DUT: variants seen among roughly 807,000 people sequenced by gnomAD.
DUT encodes deoxyuridine 5'-triphosphate nucleotidohydrolase, mitochondrial.
A neutral mutation model predicts 28.8 loss-of-function variants in DUT; 21 were observed. The ratio of observed to expected loss-of-function variants is 0.73; its 90% CI spans 0.52 to 1.05. DUT has a LOEUF of 1.05. Ranked by LOEUF, DUT falls within the 50% of genes least tolerant of loss-of-function variation. The pLI, the probability that DUT is intolerant of heterozygous loss-of-function variation, is 0.00. For missense variants in DUT, 344 were observed against 351.8 expected (o/e 0.98, Z 0.18); for synonymous variants, 147 against 143.7 (o/e 1.02, Z -0.17).
In DUT at chr15:48,331,675, C is replaced by A. The variant is rs1192612925; in HGVS notation, c.160C>A (p.Pro54Thr). 1 of 1,532,992 alleles carries A rather than the reference C, an allele frequency of 6.5e-7. No individual in the cohort carries two copies. Among genetic ancestry groups the A allele is most frequent in the African/African-American group, 1.4e-5 (1 of 71,246 alleles). The allele number at this position is 1,532,992 out of a possible 1,614,324, so 95.0% of individuals were successfully genotyped here. The change falls in exon 1 of 7, where the codon CCC (proline) becomes ACC (threonine). Residue 54 changes from proline to threonine, a missense_variant. Pro to Thr is a conservative substitution (Grantham distance 38). Transcript: ENST00000331200. ...CGGCCGCGCCGCGCAGCACGGGATT[C>A]CCCGGCCGCTGTCCAGCGCTGGCCG... ...PLGRAAQHGI[P>T]RPLSSAGRLS... is the part of the protein sequence containing the mutation.
At chr15:48,331,402 G>A (rs1175398491), upstream of DUT, 3 of 1,500,394 alleles carry the variant, frequency 2.0e-6, no homozygotes, top group Non-Finnish European at 1.8e-6. Context: ...CTCGTCCGGC[G>A]GCGGCTGCGA....
chr15:48,342,024 C>G lies in DUT; in HGVS notation c.705C>G (p.Ala235=), dbSNP rs746648206. 1.7e-5 allele frequency: 26 copies of G among 1,574,964 alleles called. No individual in the cohort carries two copies. The highest frequency in any genetic ancestry group is 2.2e-5 in the Non-Finnish European group (26 of 1,166,072). Residue 235 remains alanine (A), a splice_region_variant and synonymous_variant, in exon 7 of 7, where the codon GCC becomes GCG. Transcript: ENST00000331200. The part of the protein sequence containing the change: ...IFYPEIEEVQ[A]LDDTERGSGG... Reference sequence around the variant, plus strand: ...CTTACTACCTTTCTATCTTTCAGGCCTTGGATGACACCGAAAGGGGTTCAG... The same window carrying G: ...CTTACTACCTTTCTATCTTTCAGGCGTTGGATGACACCGAAAGGGGTTCAG...
At chr15:48,331,399 G>T, upstream of DUT, 1 of 1,498,376 alleles carries the variant, frequency 6.7e-7, no homozygotes, top group South Asian at 1.3e-5. Flanking sequence ...CCCCTCGTCC[G>T]GCGGCGGCTG....
At chr15:48,335,921 G>A (rs868605594) in intron 3 of DUT, 125 bp from the exon 4 acceptor site, 6 of 733,568 alleles carry the variant, frequency 8.2e-6, no homozygotes, top group Middle Eastern at 4.8e-4. Flanking sequence ...AAAACCATGT[G>A]CTAAAGTTAA....
chr15:48,332,189 C>G, intron 1 of DUT, 79 bp from the exon 2 acceptor site: 1 of 1,494,432 alleles, frequency 6.7e-7, no homozygotes, highest in Non-Finnish European at 8.9e-7. Context: ...CTCCCTGCGG[C>G]GACGCTCATC....
Position 48,341,641 on chromosome 15 carries a change from A to G in DUT, c.702+56A>G, listed in dbSNP as rs901085917. 3.6e-6 allele frequency: 5 copies of G among 1,374,626 alleles called. No individual in the cohort carries two copies. In the African/African-American group the frequency reaches 5.8e-5, roughly 16 times the overall value. 85.2% of individuals were successfully genotyped at this position (1,374,626 alleles called of 1,614,324 possible). ...GTAATATAACATCTTAAGTGAAGAA[A>G]TATATATAATCTTGAGAATTTAATA... On this transcript the variant is annotated intron_variant, in intron 6 of 6. Transcript: ENST00000331200.
At chr15:48,331,353 G>T (rs556529367), upstream of DUT, 322 of 1,455,400 alleles carry the variant, frequency 2.2e-4, 3 homozygotes, top group South Asian at 3.3e-3. Flanking sequence ...CAGGGCCTGC[G>T]CCATCCCTGG....
chr15:48,331,430 T>C lies in DUT; in HGVS notation c.-86T>C. On this transcript the variant is annotated 5_prime_UTR_variant, in exon 1 of 7. Coordinates refer to ENST00000331200, the MANE Select transcript of DUT (RefSeq NM_001025248.2). ...GGCTGCGACTGCTTCCGAGGTCATGTTCCCAGGACGGGCGCGTCTTCAGGG... is the reference window on the plus strand; with the variant it reads ...GGCTGCGACTGCTTCCGAGGTCATGCTCCCAGGACGGGCGCGTCTTCAGGG... The C allele has an allele frequency of 6.4e-6, 10 of 1,565,438 alleles. No individual in the cohort carries two copies. The South Asian group carries it at 8.3e-5, about 13-fold the overall frequency.
rs201357294 is a variant in DUT at position 48,334,480 on chromosome 15, G to A, written c.483G>A (p.Ala161=). The A allele has an allele frequency of 1.2e-4, 199 of 1,610,992 alleles. No individual in the cohort carries two copies. The highest frequency in any genetic ancestry group is 1.5e-4 in the Non-Finnish European group (182 of 1,178,092). The part of the protein sequence containing the change: ...KAVVKTDIQI[A]LPSGCYGRVA... ...TTGTGAAAACGGACATTCAGATAGC[G>A]CTCCCTTCTGGGTGTTATGGAAGAG... The change falls in exon 3 of 7, where the codon GCG becomes GCA. Residue 161 remains alanine, a synonymous_variant. Transcript: ENST00000331200.
chr15:48,340,276 T>A (rs973294687), intron 4 of DUT: 14 of 151,768 alleles, frequency 9.2e-5, no homozygotes, highest in African/African-American at 3.1e-4. Flanking sequence ...AGCAGGAAAT[T>A]GGGGGTGGGA....
At chr15:48,332,555 T>C in intron 2 of DUT, 149 bp downstream of exon 2, 1 of 778,084 alleles carries the variant, frequency 1.3e-6, no homozygotes, top group East Asian at 2.7e-5. Flanking sequence ...CTTTCATCTT[T>C]GGCATAAATT....
intron 2 of DUT, among the ~76,000 whole-genome samples, chr15:48,332,963 A>AT (rs2042435085): frequency 6.6e-6 from 1 of 152,206 alleles, no homozygotes; most frequent in African/African-American, 2.4e-5. Flanking sequence ...TCCTCACAAC[A>AT]ATCCTTAACT....
chr15:48,332,341 G>C lies in DUT; in HGVS notation c.354G>C (p.Arg118=). 2 of 1,606,460 alleles carry C rather than the reference G, an allele frequency of 1.2e-6. No homozygotes were observed. The highest frequency in any genetic ancestry group is 1.7e-6 in the Non-Finnish European group (2 of 1,177,452). The stretch of plus-strand genomic sequence containing the variant: ...GCGGCATGCAGCTCCGCTTTGCCCG[G>C]CTCTCCGAGCACGCCACGGCCCCCA... ...EVGGMQLRFA[R]LSEHATAPTR... The change falls in exon 2 of 7, where the codon CGG becomes CGC. Residue 118 remains arginine (R), a synonymous_variant. Coordinates refer to ENST00000331200, the MANE Select transcript of DUT (RefSeq NM_001025248.2).
chr15:48,342,154 T>C lies in DUT; in HGVS notation c.*76T>C. On this transcript the variant is annotated 3_prime_UTR_variant, in exon 7 of 7. Coordinates refer to ENST00000331200, the MANE Select transcript of DUT (RefSeq NM_001025248.2). ...AAAAAAAAAGTTTTTGCTTCAAGTG[T>C]TTTGGTGTTTTGCACTTCTGTAAAC... 9.0e-7 allele frequency: 1 copy of C among 1,116,628 alleles called. No individual in the cohort carries two copies. The allele number at this position is 1,116,628 out of a possible 1,614,324, so 69.2% of individuals were successfully genotyped here.
rs2042409190 is a variant in DUT at position 48,331,543 on chromosome 15, C to T, written c.28C>T (p.Leu10Phe). The T allele has an allele frequency of 3.7e-6, 6 of 1,611,564 alleles. No homozygotes were observed. The highest frequency in any genetic ancestry group is 5.1e-6 in the Non-Finnish European group (6 of 1,179,388). ...GACTCCCCTCTGCCCTCGCCCCGCGCTCTGCTACCATTTCCTTACGTCTCT... is the reference window on the plus strand; with the variant it reads ...GACTCCCCTCTGCCCTCGCCCCGCGTTCTGCTACCATTTCCTTACGTCTCT... MTPLCPRPA[L>F]CYHFLTSLLR... Residue 10 changes from leucine (L) to phenylalanine (F), a missense_variant, in exon 1 of 7, where the codon CTC (leucine) becomes TTC (phenylalanine). Physicochemically the swap from Leu to Phe is conservative, Grantham distance 22. Coordinates refer to ENST00000331200, the MANE Select transcript of DUT (RefSeq NM_001025248.2).
rs893393893 is a variant in DUT, at chr15:48,342,778, C to T, written c.*700C>T. 2.6e-5 allele frequency: 4 copies of T among 152,206 alleles called. No individual in the cohort carries two copies. The highest frequency in any genetic ancestry group is 9.6e-5 in the African/African-American group (4 of 41,460). The allele number at this position is 152,206 out of a possible 1,614,324, so 9.4% of individuals were successfully genotyped here. On this transcript the variant is annotated 3_prime_UTR_variant, in exon 7 of 7. Coordinates refer to ENST00000331200, the MANE Select transcript of DUT (RefSeq NM_001025248.2). The stretch of plus-strand genomic sequence containing the variant: ...TTAGGTTTGTTCCCTTGAATTTCAT[C>T]TCATCAGGCAAATTGTACTAGTTGT...
At chr15:48,339,708 G>A (rs564140585) in intron 4 of DUT, among the ~76,000 whole-genome samples, 9 of 152,246 alleles carry the variant, frequency 5.9e-5, no homozygotes, top group South Asian at 2.1e-4. Flanking sequence ...CTTCAGGCCC[G>A]ACAGGAGATG....
chr15:48,338,877 C>T (rs2042501616), intron 4 of DUT, among the ~76,000 whole-genome samples: 1 of 152,194 alleles, frequency 6.6e-6, no homozygotes, highest in African/African-American at 2.4e-5. Flanking sequence ...TGGCTCATGC[C>T]TGTAATCCCA....
chr15:48,337,370 G>A (rs1004576833), intron 4 of DUT, among the ~76,000 whole-genome samples: 5 of 152,168 alleles, frequency 3.3e-5, no homozygotes, highest in African/African-American at 7.2e-5. Flanking sequence ...TTCAAGGAAC[G>A]GGAGCTTTGG....
Sources: allele counts gnomAD v4.1 joint callset (sites outside exome capture counted in the v4.1 genomes callset), GRCh38; gene constraint gnomAD v4.1.1; transcripts MANE v1.5; gene names NCBI Gene and HGNC (gene_info 2026-07-23, HGNC 2026-07-21).